Variants in FBLN5 observed in about 807,000 individuals in gnomAD.
FBLN5 encodes the protein fibulin-5.
Under a neutral mutation model 61.6 loss-of-function variants are expected in FBLN5, and 24 were observed. The observed-to-expected ratio is 0.39, with a 90% CI of 0.28 to 0.55. The LOEUF is 0.55. FBLN5 is among the 20% of genes least tolerant of loss of function. The pLI is 0.65. For missense variants in FBLN5, 470 were observed against 594.1 expected, an observed-to-expected ratio of 0.79 and a Z score of 2.17; for synonymous variants, 213 against 219.8, an observed-to-expected ratio of 0.97 and a Z score of 0.27.
chr14:91,924,563 TC>T (rs1450085307), intron 4 of FBLN5, among the ~76,000 whole-genome samples: 2 of 151,766 alleles, frequency 1.3e-5, no homozygotes, highest in Non-Finnish European at 2.9e-5. Flanking sequence ...ACACCTGTAG[TC>T]CCAGCTACTC....
At chr14:91,905,605 G>T (rs1444658546) in intron 4 of FBLN5, among the ~76,000 whole-genome samples, 1 of 148,094 alleles carries the variant, frequency 6.8e-6, no homozygotes, top group Non-Finnish European at 1.5e-5. Flanking sequence ...TTTTTAGATG[G>T]AGCCTAACTC....
intron 4 of FBLN5, among the ~76,000 whole-genome samples, chr14:91,905,306 T>C (rs112265987): frequency 3.3e-5 from 5 of 152,138 alleles, no homozygotes; most frequent in African/African-American, 1.2e-4. Flanking sequence ...CCTGCCCCCC[T>C]AGAGCTTGCA....
chr14:91,924,800 C>A (rs114677493), intron 4 of FBLN5, among the ~76,000 whole-genome samples: 1 of 151,930 alleles, frequency 6.6e-6, no homozygotes, highest in East Asian at 1.9e-4. Flanking sequence ...CTGTGGTCAC[C>A]CCTGAGTCCA....
intron 4 of FBLN5, among the ~76,000 whole-genome samples, chr14:91,902,751 G>T (rs1026467838): frequency 1.3e-5 from 2 of 152,178 alleles, no homozygotes; most frequent in Non-Finnish European, 2.9e-5. Flanking sequence ...GTGGGATTTG[G>T]TTCTGTATCC....
At chr14:91,944,902 G>A (rs1478337976) in intron 1 of FBLN5, among the ~76,000 whole-genome samples, 2 of 152,160 alleles carry the variant, frequency 1.3e-5, no homozygotes, top group Admixed American at 1.3e-4. Flanking sequence ...TAACACTACT[G>A]AACTAGACTC....
At chr14:91,906,539 T>A (rs1474394408) in intron 4 of FBLN5, among the ~76,000 whole-genome samples, 1 of 152,176 alleles carries the variant, frequency 6.6e-6, no homozygotes, top group Non-Finnish European at 1.5e-5. Flanking sequence ...CTGCTCCCCA[T>A]CACCCTTTGG....
chr14:91,927,802 C>A (rs2055854434), intron 4 of FBLN5, among the ~76,000 whole-genome samples: 1 of 152,272 alleles, frequency 6.6e-6, no homozygotes, highest in Non-Finnish European at 1.5e-5. Context: ...AAAGTCCACA[C>A]TTCATCCCTC....
At chr14:91,941,074 G>A (rs1595350028) in intron 2 of FBLN5, among the ~76,000 whole-genome samples, 1 of 152,188 alleles carries the variant, frequency 6.6e-6, no homozygotes, top group East Asian at 1.9e-4. Context: ...AATGTGGCAT[G>A]CTCCCTGTTC....
chr14:91,909,888 C>T (rs567378374), intron 4 of FBLN5, among the ~76,000 whole-genome samples: 4 of 152,184 alleles, frequency 2.6e-5, no homozygotes, highest in Admixed American at 2.6e-4. Flanking sequence ...TAGAAAAAAA[C>T]GTGTTGGTGA....
intron 4 of FBLN5, among the ~76,000 whole-genome samples, chr14:91,904,901 G>A (rs1890616388): frequency 6.6e-6 from 1 of 152,186 alleles, no homozygotes; most frequent in African/African-American, 2.4e-5. Context: ...GGGACAGCTT[G>A]ACATCCCAGA....
intron 2 of FBLN5, among the ~76,000 whole-genome samples, chr14:91,941,651 G>C (rs2056106727): frequency 1.3e-5 from 2 of 152,158 alleles, no homozygotes; most frequent in African/African-American, 4.8e-5. Flanking sequence ...GGAGATCCAG[G>C]TTCCAGCCCT....
chr14:91,879,834 C>T (rs183683393), intron 9 of FBLN5, among the ~76,000 whole-genome samples: 3 of 152,284 alleles, frequency 2.0e-5, no homozygotes, highest in South Asian at 2.1e-4. Flanking sequence ...GGCTGTATTC[C>T]GAGAGGGCAG....
chr14:91,886,320 G>A (rs920526675), intron 7 of FBLN5, among the ~76,000 whole-genome samples: 3 of 152,314 alleles, frequency 2.0e-5, no homozygotes, highest in Middle Eastern at 3.4e-3. Flanking sequence ...AAGGAAAAGA[G>A]AGAGAAAGAA....
At chr14:91,927,150 G>A (rs190292629) in intron 4 of FBLN5, among the ~76,000 whole-genome samples, 35 of 152,176 alleles carry the variant, frequency 2.3e-4, no homozygotes, top group East Asian at 1.2e-3. Flanking sequence ...AGCTGTTGTC[G>A]TCAACATCAA....
rs544473433 is a variant in FBLN5 at position 91,894,929 on chromosome 14, AC to A, written c.502+20del. 11 of 1,552,500 alleles carry A rather than the reference AC, an allele frequency of 7.1e-6. No homozygotes were observed. The East Asian group carries it at 1.0e-4, about 14-fold the overall frequency. ...CCGTTAACTTCCAAGAGTCCCTGTG[AC>A]CCCCCCAGAGAGCTGTTACCTAAGC... On this transcript the variant is annotated intron_variant, in intron 5 of 10. Coordinates refer to ENST00000342058, the MANE Select transcript of FBLN5 (RefSeq NM_006329.4).
In FBLN5 at chr14:91,870,194, G is replaced by A. The variant is rs1021561265; in HGVS notation, c.*30C>T. ...TTCTCCTGTCCCTTGGTGCCAATGA[G>A]AGGCAGCGTCGGAGGCTCCAGCCCG... is the stretch of plus-strand genomic sequence containing the variant. On this transcript the variant is annotated 3_prime_UTR_variant, in exon 11 of 11. Coordinates refer to ENST00000342058, the MANE Select transcript of FBLN5 (RefSeq NM_006329.4). The A allele has an allele frequency of 3.7e-6, 6 of 1,608,278 alleles. No homozygotes were observed. The highest frequency in any genetic ancestry group is 2.2e-5 in the East Asian group (1 of 44,868).
At chr14:91,904,274 G>A (rs1890582001) in intron 4 of FBLN5, among the ~76,000 whole-genome samples, 1 of 152,162 alleles carries the variant, frequency 6.6e-6, no homozygotes, top group South Asian at 2.1e-4. Flanking sequence ...AAGCAAGAGG[G>A]AAATTCAGTT....
chr14:91,894,599 A>G (rs186868061), intron 5 of FBLN5, among the ~76,000 whole-genome samples: 8 of 151,154 alleles, frequency 5.3e-5, no homozygotes, highest in Admixed American at 5.3e-4. Context: ...GCACATGCCT[A>G]TGATCCTAGC....
Position 91,870,001 on chromosome 14 carries a change from C to T in FBLN5, c.*223G>A, listed in dbSNP as rs1888843065. The T allele has an allele frequency of 1.7e-6, 1 of 576,850 alleles. No individual in the cohort carries two copies. The allele number at this position is 576,850 out of a possible 1,614,324, so 35.7% of individuals were successfully genotyped here. A position where few individuals can be genotyped will look rare whatever the true frequency, so the allele number is the denominator to read the frequency against. On this transcript the variant is annotated 3_prime_UTR_variant, in exon 11 of 11. Transcript: ENST00000342058. ...TTCTATCAGGGGAGCAATGATAATACTTTTTGATAACTGTGTCATAGGAAC... is the reference window on the plus strand; with the variant it reads ...TTCTATCAGGGGAGCAATGATAATATTTTTTGATAACTGTGTCATAGGAAC...
Sources: allele counts gnomAD v4.1 joint callset (sites outside exome capture counted in the v4.1 genomes callset), GRCh38; gene constraint gnomAD v4.1.1; transcripts MANE v1.5; gene names NCBI Gene and HGNC (gene_info 2026-07-23, HGNC 2026-07-21).